MRTO4: variants seen among roughly 807,000 people sequenced by gnomAD.
MRTO4 encodes the protein MRT4 homolog, ribosome maturation factor, also known as mRNA turnover protein 4 homolog.
MRTO4 carries 7 observed loss-of-function variants against 28.6 expected under a neutral mutation model. That is an observed-to-expected ratio of 0.24 (90% CI 0.14 to 0.46). MRTO4 has a LOEUF of 0.46. Ranked by LOEUF, MRTO4 falls within the 20% of genes least tolerant of loss-of-function variation. The pLI, the probability that MRTO4 is intolerant of heterozygous loss-of-function variation, is 0.99. For missense variants in MRTO4, 302 were observed against 298.3 expected (o/e 1.01, Z -0.09); for synonymous variants, 113 against 108.2 (o/e 1.04, Z -0.27).
chr1:19,254,792 C>T lies in MRTO4; in HGVS notation c.39C>T (p.Thr13=). Residue 13 remains threonine (T), a synonymous_variant, in exon 2 of 8, where the codon ACC becomes ACT. Transcript: ENST00000330263. ...TTTTGTTTTTATTAGTCTCCTTAACCAAAACTGCCAAGAAAGGCTTGGAAT... is the reference window on the plus strand; with the variant it reads ...TTTTGTTTTTATTAGTCTCCTTAACTAAAACTGCCAAGAAAGGCTTGGAAT... ...KSKRDKKVSL[T]KTAKKGLELK... 6.2e-7 allele frequency: 1 copy of T among 1,612,334 alleles called. No individual in the cohort carries two copies. The highest frequency in any genetic ancestry group is 8.5e-7 in the Non-Finnish European group (1 of 1,179,340).
intron 1 of MRTO4, 144 bp downstream of exon 1, chr1:19,252,007 A>G: frequency 8.1e-7 from 1 of 1,230,516 alleles, no homozygotes; most frequent in South Asian, 1.5e-5. Flanking sequence ...GCGAGCTGGA[A>G]TGGGGGCTTC....
At chr1:19,256,984 C>G in intron 3 of MRTO4, 80 bp from the exon 4 acceptor site, 1 of 1,392,170 alleles carries the variant, frequency 7.2e-7, no homozygotes, top group Non-Finnish European at 1.0e-6. Flanking sequence ...CACTGGGGAC[C>G]GGAGCTACTT....
chr1:19,255,403 TAA>T (rs5772837), intron 2 of MRTO4, among the ~76,000 whole-genome samples: 42,514 of 146,372 alleles, frequency 0.29, 6,961 homozygotes, highest in African/African-American at 0.46. Context: ...ACCCTGTCTT[TAA>T]AAAAAAAAAA....
At position 19,257,780 on chromosome 1, in the gene MRTO4, G is replaced by A. The variant is rs538127200; in HGVS notation, c.342-53G>A. The A allele has an allele frequency of 3.8e-6, 6 of 1,596,904 alleles. No homozygotes were observed. In the South Asian group the frequency reaches 5.6e-5, roughly 15 times the overall value. On this transcript the variant is annotated intron_variant, in intron 5 of 7. Coordinates refer to ENST00000330263, the MANE Select transcript of MRTO4 (RefSeq NM_016183.4). The stretch of plus-strand genomic sequence containing the variant: ...GACACTTGGGGGAGCCTGACTCATG[G>A]GCTGGTGGCGTGGCCAGGAGCATCT...
chr1:19,252,439 T>C (rs1251158868), intron 1 of MRTO4, among the ~76,000 whole-genome samples: 3 of 152,180 alleles, frequency 2.0e-5, no homozygotes, highest in African/African-American at 7.2e-5. Flanking sequence ...GGCTCACGCC[T>C]GTAATCCCAG....
intron 3 of MRTO4, among the ~76,000 whole-genome samples, 166 bp from the exon 4 acceptor site, chr1:19,256,898 G>C (rs1175737998): frequency 6.6e-6 from 1 of 152,168 alleles, no homozygotes; most frequent in Non-Finnish European, 1.5e-5. Context: ...CATAATGAAA[G>C]GGACCCCAAC....
rs971479013 is a variant in MRTO4 at position 19,259,343 on chromosome 1, C to A, written c.*513C>A. On this transcript the variant is annotated 3_prime_UTR_variant, in exon 8 of 8. Transcript: ENST00000330263. ...AGGGAGAGGAGGGAGAGGGCTCTTTCTTAGAAAAGAGGCCTTTGGTGAGCC... is the reference window on the plus strand; with the variant it reads ...AGGGAGAGGAGGGAGAGGGCTCTTTATTAGAAAAGAGGCCTTTGGTGAGCC... The A allele has an allele frequency of 6.6e-6, 1 of 152,202 alleles. No homozygotes were observed. Among genetic ancestry groups the A allele is most frequent in the Non-Finnish European group, 1.5e-5 (1 of 68,298 alleles). 9.4% of individuals were successfully genotyped at this position (152,202 alleles called of 1,614,324 possible). A position where few individuals can be genotyped will look rare whatever the true frequency, so the allele number is the denominator to read the frequency against.
chr1:19,254,372 G>A (rs1046153469), intron 1 of MRTO4, among the ~76,000 whole-genome samples: 1 of 151,992 alleles, frequency 6.6e-6, no homozygotes, highest in Admixed American at 6.6e-5. Context: ...AGTCCAGCCT[G>A]GGTGACAGAG....
intron 1 of MRTO4, among the ~76,000 whole-genome samples, chr1:19,252,590 T>C (rs1443807829): frequency 6.6e-6 from 1 of 152,178 alleles, no homozygotes; most frequent in African/African-American, 2.4e-5. Context: ...TCCCAGCTAC[T>C]TGGGAGACTG....
intron 1 of MRTO4, among the ~76,000 whole-genome samples, chr1:19,253,410 T>C (rs1174866986): frequency 6.6e-6 from 1 of 152,144 alleles, no homozygotes; most frequent in East Asian, 1.9e-4. Flanking sequence ...GGGAGGGAGT[T>C]AGGCAGAGAG....
At chr1:19,258,358 G>A in intron 6 of MRTO4, 119 bp from the exon 7 acceptor site, 1 of 1,203,522 alleles carries the variant, frequency 8.3e-7, no homozygotes. Context: ...ACTGCCCAGT[G>A]TGTGTTGGAG....
chr1:19,253,599 A>C (rs1220641243), intron 1 of MRTO4, among the ~76,000 whole-genome samples: 1 of 152,250 alleles, frequency 6.6e-6, no homozygotes, highest in Admixed American at 6.5e-5. Flanking sequence ...GCATTAATCC[A>C]AGACAGGGTG....
At chr1:19,257,348 C>A in intron 4 of MRTO4, 106 bp from the exon 5 acceptor site, 3 of 1,393,336 alleles carry the variant, frequency 2.2e-6, no homozygotes, top group South Asian at 1.2e-5. Context: ...CTATGACAAC[C>A]AAAAACGTCT....
At chr1:19,258,011 T>A (rs2093674248) in intron 6 of MRTO4, 27 bp downstream of exon 6, 1 of 1,610,958 alleles carries the variant, frequency 6.2e-7, no homozygotes, top group Admixed American at 1.7e-5. Flanking sequence ...AGCCAAAAGG[T>A]CACAGCCTAG....
intron 1 of MRTO4, 113 bp downstream of exon 1, chr1:19,251,976 G>C: frequency 7.1e-7 from 1 of 1,415,716 alleles, no homozygotes. Flanking sequence ...GGACATCCTC[G>C]AGGTGTTCCG....
At position 19,257,165 on chromosome 1, in the gene MRTO4, G is replaced by A. The variant is rs371889327; in HGVS notation, c.273+20G>A. 45 of 1,611,920 alleles carry A rather than the reference G, an allele frequency of 2.8e-5. No individual in the cohort carries two copies. The highest frequency in any genetic ancestry group is 3.3e-5 in the Admixed American group (2 of 59,744). Reference sequence around the variant, plus strand: ...CACCAGGTAAGTCTCTGGCCCTCACGGGGTGGAGCTAAGGCAAAGCCGCCC... The same window carrying A: ...CACCAGGTAAGTCTCTGGCCCTCACAGGGTGGAGCTAAGGCAAAGCCGCCC... On this transcript the variant is annotated intron_variant, in intron 4 of 7. Coordinates refer to ENST00000330263, the MANE Select transcript of MRTO4 (RefSeq NM_016183.4).
chr1:19,255,875 T>G, intron 2 of MRTO4, 73 bp from the exon 3 acceptor site: 2 of 1,295,706 alleles, frequency 1.5e-6, no homozygotes, highest in Non-Finnish European at 2.2e-6. Flanking sequence ...GCAGATTCAT[T>G]CTCATCTGAG....
Position 19,260,013 on chromosome 1 carries a change from C to T in MRTO4, c.*1183C>T, listed in dbSNP as rs936394777. On this transcript the variant is annotated 3_prime_UTR_variant, in exon 8 of 8. Transcript: ENST00000330263. ...TCCTGAGCTCAAGCGATCTACCCAC[C>T]TTGGCCTCCCAAAGTGCTGGGATTA... 6.6e-6 allele frequency: 1 copy of T among 152,322 alleles called. No individual in the cohort carries two copies. Among genetic ancestry groups the T allele is most frequent in the East Asian group, 1.9e-4 (1 of 5,200 alleles). 9.4% of individuals were successfully genotyped at this position (152,322 alleles called of 1,614,324 possible). A position where few individuals can be genotyped will look rare whatever the true frequency, so the allele number is the denominator to read the frequency against.
At chr1:19,255,490 T>G (rs2093670150) in intron 2 of MRTO4, among the ~76,000 whole-genome samples, 1 of 151,676 alleles carries the variant, frequency 6.6e-6, no homozygotes, top group Non-Finnish European at 1.5e-5. Context: ...CCTGCCAACC[T>G]GGGCTGCAGG....
Sources: allele counts gnomAD v4.1 joint callset (sites outside exome capture counted in the v4.1 genomes callset), GRCh38; gene constraint gnomAD v4.1.1; transcripts MANE v1.5; gene names NCBI Gene and HGNC (gene_info 2026-07-23, HGNC 2026-07-21).